Variants in AUTS2 observed in about 807,000 individuals in gnomAD.
The protein encoded by AUTS2 is activator of transcription and developmental regulator AUTS2, also known as autism susceptibility gene 2 protein.
A neutral mutation model predicts 112.4 loss-of-function variants in AUTS2; 17 were observed. The ratio of observed to expected loss-of-function variants is 0.15; its 90% CI spans 0.10 to 0.23. The LOEUF is 0.23. Among genes scored for constraint, AUTS2 ranks in the 10% least tolerant of loss-of-function variants. AUTS2 has a pLI of 1.00. For synonymous variants in AUTS2, 751 were observed against 702.7 expected (o/e 1.07, Z -1.09); for missense variants, 1,510 against 1,701.6 (o/e 0.89, Z 1.98).
rs750738787 is a variant in AUTS2 at position 70,011,565 on chromosome 7, TAAG to T, written c.523-106566_523-106564del. ...TAGGTGGCTTAACCAATTGTATAAT[TAAG>T]TTACTTTAATAATTACCAAGAGGGT... On this transcript the variant is annotated intron_variant, in intron 2 of 18. Coordinates refer to ENST00000342771, the MANE Select transcript of AUTS2 (RefSeq NM_015570.4). Among the ~76,000 whole-genome samples, 16 of 152,314 alleles carry T rather than the reference TAAG, an allele frequency of 1.1e-4. 1 individual carries two copies. The highest frequency in any genetic ancestry group is 4.1e-4 in the South Asian group (2 of 4,826).
At chr7:70,039,068 AT>A (rs1313192770) in intron 2 of AUTS2, among the ~76,000 whole-genome samples, 1 of 151,690 alleles carries the variant, frequency 6.6e-6, no homozygotes, top group African/African-American at 2.4e-5. Flanking sequence ...CAGGTTTCTT[AT>A]TTTTCAAGAG....
At chr7:69,988,993 C>T (rs758622692) in intron 2 of AUTS2, among the ~76,000 whole-genome samples, 1 of 152,176 alleles carries the variant, frequency 6.6e-6, no homozygotes, top group Non-Finnish European at 1.5e-5. Context: ...CAAGGAGATG[C>T]AAAGACAAAC....
chr7:69,807,600 AC>A (rs972722586), intron 1 of AUTS2, among the ~76,000 whole-genome samples: 8 of 152,168 alleles, frequency 5.3e-5, no homozygotes, highest in South Asian at 4.2e-4. Context: ...GAAATTTTCA[AC>A]CTGTGTAGCA....
chr7:70,774,277 C>T (rs1439465852), intron 12 of AUTS2, 178 bp downstream of exon 12: 4 of 620,604 alleles, frequency 6.4e-6, no homozygotes, highest in African/African-American at 3.7e-5. Context: ...CTCTCCTGCT[C>T]ACTGCGAGCA....
At position 70,698,589 on chromosome 7, in the gene AUTS2, A is replaced by G. The variant is rs780266135; in HGVS notation, c.711A>G (p.Glu237=). ...TTCAGGCATCAGATGCCAGCTCTGA[A>G]AAACTCTTCAACACTGTTATTGTAA... ...QEEKASDASS[E]KLFNTVIVNK... The change falls in exon 6 of 19, where the codon GAA becomes GAG. Residue 237 remains glutamate, a synonymous_variant. Coordinates refer to ENST00000342771, the MANE Select transcript of AUTS2 (RefSeq NM_015570.4). The G allele has an allele frequency of 6.2e-7, 1 of 1,607,620 alleles. No individual in the cohort carries two copies. The highest frequency in any genetic ancestry group is 8.5e-7 in the Non-Finnish European group (1 of 1,177,160).
intron 1 of AUTS2, among the ~76,000 whole-genome samples, chr7:69,748,266 G>A (rs549202517): frequency 6.6e-6 from 1 of 152,324 alleles, no homozygotes; most frequent in Admixed American, 6.5e-5. Context: ...ACAAAGGAAT[G>A]AAGTATATGG....
At chr7:70,535,102 C>T (rs1800264750) in intron 5 of AUTS2, among the ~76,000 whole-genome samples, 1 of 151,242 alleles carries the variant, frequency 6.6e-6, no homozygotes, top group Non-Finnish European at 1.5e-5. Context: ...TCTGATGATA[C>T]CTGGGCTAGT....
At chr7:70,175,908 G>C (rs1391008199) in intron 4 of AUTS2, among the ~76,000 whole-genome samples, 1 of 152,104 alleles carries the variant, frequency 6.6e-6, no homozygotes, top group Non-Finnish European at 1.5e-5. Context: ...AAAAGTTCAT[G>C]GGACTTGCTT....
chr7:70,036,173 A>G (rs1288117502), intron 2 of AUTS2, among the ~76,000 whole-genome samples: 1 of 152,230 alleles, frequency 6.6e-6, no homozygotes, highest in Non-Finnish European at 1.5e-5. Context: ...CAAGGCAAGA[A>G]AACGCTGAGC....
intron 1 of AUTS2, among the ~76,000 whole-genome samples, chr7:69,662,599 C>T (rs572532198): frequency 6.6e-6 from 1 of 152,228 alleles, no homozygotes; most frequent in Admixed American, 6.5e-5. Flanking sequence ...TAGCCATTAA[C>T]CTTATAGGGC....
At chr7:70,750,519 G>A (rs1788750028) in intron 6 of AUTS2, among the ~76,000 whole-genome samples, 1 of 150,468 alleles carries the variant, frequency 6.6e-6, no homozygotes. Flanking sequence ...TCCCACCTCA[G>A]CCTCCTGAGT....
chr7:70,265,131 C>T (rs1787355337), intron 4 of AUTS2, among the ~76,000 whole-genome samples: 2 of 152,106 alleles, frequency 1.3e-5, no homozygotes, highest in Admixed American at 6.6e-5. Context: ...ATAAGACTTC[C>T]AGTGTTTATA....
At chr7:70,071,724 G>T (rs537929681) in intron 2 of AUTS2, among the ~76,000 whole-genome samples, 1 of 152,158 alleles carries the variant, frequency 6.6e-6, no homozygotes, top group Non-Finnish European at 1.5e-5. Flanking sequence ...CATCAATTCA[G>T]ACACATTGCA....
At chr7:70,780,421 G>T (rs977048228) in intron 14 of AUTS2, among the ~76,000 whole-genome samples, 34 of 145,596 alleles carry the variant, frequency 2.3e-4, no homozygotes, top group Admixed American at 1.7e-3. Context: ...ACAAGAGTTT[G>T]TTTTTTTTTT....
At chr7:69,799,269 G>T (rs776417131) in intron 1 of AUTS2, among the ~76,000 whole-genome samples, 3 of 152,038 alleles carry the variant, frequency 2.0e-5, no homozygotes, top group African/African-American at 7.2e-5. Flanking sequence ...ATGCCTCCTG[G>T]TGGAACCTGG....
chr7:70,315,755 A>G (rs1789966009), intron 4 of AUTS2, among the ~76,000 whole-genome samples: 1 of 152,172 alleles, frequency 6.6e-6, no homozygotes, highest in Admixed American at 6.5e-5. Context: ...TCGACAATCC[A>G]TGTCTATCCT....
intron 1 of AUTS2, among the ~76,000 whole-genome samples, chr7:69,793,381 G>A (rs1193658049): frequency 6.6e-6 from 1 of 152,180 alleles, no homozygotes; most frequent in Non-Finnish European, 1.5e-5. Flanking sequence ...ATTTTAAGGG[G>A]CCTGGGACAG....
intron 5 of AUTS2, among the ~76,000 whole-genome samples, chr7:70,622,266 T>C (rs1181578172): frequency 6.6e-6 from 1 of 152,186 alleles, no homozygotes; most frequent in African/African-American, 2.4e-5. Context: ...CTCTTAAAAA[T>C]GCATCTTTGA....
intron 4 of AUTS2, among the ~76,000 whole-genome samples, chr7:70,176,969 G>C (rs1210358693): frequency 1.3e-5 from 2 of 152,112 alleles, no homozygotes; most frequent in African/African-American, 4.8e-5. Flanking sequence ...AAAGTAAAAA[G>C]TATATTAGCA....
Sources: gnomAD v4.1 joint callset for allele counts (sites outside exome capture counted in the v4.1 genomes callset) on GRCh38, gnomAD v4.1.1 for gene constraint, MANE v1.5 for transcripts, NCBI Gene and HGNC (gene_info 2026-07-23, HGNC 2026-07-21) for gene names.